The following SH3RF3 variants were observed in gnomAD, a reference collection of about 807,000 sequenced individuals.
SH3RF3 encodes SH3 domain containing ring finger 3.
In SH3RF3, 29 loss-of-function variants were observed where a neutral mutation model predicts 66.3. The observed-to-expected ratio is 0.44, with a 90% CI of 0.33 to 0.60. The LOEUF is 0.60. Ranked by LOEUF, SH3RF3 falls within the 20% of genes least tolerant of loss-of-function variation. The pLI is 0.04. For missense variants in SH3RF3, 1,194 were observed against 1,190.9 expected (o/e 1.00, Z -0.04); for synonymous variants, 583 against 532.0 (o/e 1.10, Z -1.32).
intron 1 of SH3RF3, among the ~76,000 whole-genome samples, chr2:109,189,992 G>A (rs141183180): frequency 4.6e-5 from 7 of 152,334 alleles, no homozygotes; most frequent in East Asian, 1.9e-4. Flanking sequence ...AGATCTGCTC[G>A]TGGTTTATCA....
At chr2:109,187,783 G>C (rs1015248063) in intron 1 of SH3RF3, among the ~76,000 whole-genome samples, 2 of 152,196 alleles carry the variant, frequency 1.3e-5, no homozygotes, top group African/African-American at 4.8e-5. Context: ...ACACAGGTGG[G>C]CTTGCTTCCG....
In SH3RF3 at chr2:109,323,084, G is replaced by A. The variant is rs536061159; in HGVS notation, c.574-24590G>A. On this transcript the variant is annotated intron_variant, in intron 1 of 9. Transcript: ENST00000309415. ...ACAGGAGGGAGCTTGCAGACTTTGT[G>A]GGGCTTCTGCTTTTGCCACTGTGCC... is the stretch of plus-strand genomic sequence containing the variant. Among the ~76,000 whole-genome samples, 4 of 152,320 alleles carry A rather than the reference G, an allele frequency of 2.6e-5. 1 individual carries two copies. The South Asian group carries it at 8.3e-4, about 32-fold the overall frequency.
In SH3RF3 at chr2:109,388,738, C is replaced by T. The variant is rs577053182; in HGVS notation, c.946-9852C>T. 3.3e-5 allele frequency among the ~76,000 whole-genome samples: 5 copies of T among 152,318 alleles called. No individual in the cohort carries two copies. In the East Asian group the frequency reaches 9.6e-4, roughly 29 times the overall value. On this transcript the variant is annotated intron_variant, in intron 3 of 9. Transcript: ENST00000309415. Reference sequence around the variant, plus strand: ...GACCCCTGCAAGAGGATGAAGTAGGCTCTAATCCTCAGACCTCCAAGGATC... The same window carrying T: ...GACCCCTGCAAGAGGATGAAGTAGGTTCTAATCCTCAGACCTCCAAGGATC...
At chr2:109,450,850 G>T (rs893896802) in intron 8 of SH3RF3, among the ~76,000 whole-genome samples, 1 of 152,224 alleles carries the variant, frequency 6.6e-6, no homozygotes, top group Non-Finnish European at 1.5e-5. Context: ...TGGCTTGACT[G>T]ATTCTGCAGA....
intron 1 of SH3RF3, among the ~76,000 whole-genome samples, chr2:109,147,545 A>G (rs1038471177): frequency 4.6e-5 from 7 of 152,228 alleles, no homozygotes; most frequent in African/African-American, 1.4e-4. Flanking sequence ...AATGCTAAAC[A>G]TAGTACCGTA....
intron 1 of SH3RF3, among the ~76,000 whole-genome samples, chr2:109,264,873 A>C (rs989991068): frequency 2.0e-5 from 3 of 152,212 alleles, no homozygotes; most frequent in African/African-American, 7.2e-5. Flanking sequence ...AGACATCTTA[A>C]ACATCCTTAT....
intron 1 of SH3RF3, among the ~76,000 whole-genome samples, chr2:109,227,863 T>G (rs140519172): frequency 6.6e-6 from 1 of 152,338 alleles, no homozygotes; most frequent in African/African-American, 2.4e-5. Context: ...TCGCTCCGCC[T>G]TTCATCGGTT....
At chr2:109,150,194 A>G (rs977266622) in intron 1 of SH3RF3, among the ~76,000 whole-genome samples, 1 of 152,156 alleles carries the variant, frequency 6.6e-6, no homozygotes, top group African/African-American at 2.4e-5. Flanking sequence ...CACCTGGAAG[A>G]TGAGTTGGAC....
intron 5 of SH3RF3, among the ~76,000 whole-genome samples, chr2:109,425,240 G>A (rs1216053616): frequency 1.3e-4 from 20 of 152,196 alleles, no homozygotes; most frequent in Admixed American, 9.8e-4. Flanking sequence ...AGGTTGGTTC[G>A]TGAGGTTTAA....
intron 1 of SH3RF3, among the ~76,000 whole-genome samples, chr2:109,177,942 C>T (rs1016000467): frequency 7.2e-5 from 11 of 152,192 alleles, no homozygotes; most frequent in Non-Finnish European, 1.2e-4. Context: ...GCAGGAGTCT[C>T]ATTTGATTTG....
intron 1 of SH3RF3, among the ~76,000 whole-genome samples, chr2:109,283,524 A>T (rs1329147179): frequency 6.6e-6 from 1 of 151,830 alleles, no homozygotes; most frequent in Non-Finnish European, 1.5e-5. Context: ...AGAGTAGGGG[A>T]GGGATGGGCC....
chr2:109,309,235 T>C (rs557216449), intron 1 of SH3RF3, among the ~76,000 whole-genome samples: 394 of 144,000 alleles, frequency 2.7e-3, no homozygotes, highest in African/African-American at 0.01. Context: ...TGTCTGTTGT[T>C]GGTGTATAAG....
chr2:109,405,941 T>G (rs1676441889), intron 4 of SH3RF3, among the ~76,000 whole-genome samples: 1 of 152,220 alleles, frequency 6.6e-6, no homozygotes, highest in South Asian at 2.1e-4. Context: ...TGGATGGTCT[T>G]GTACATAAAG....
intron 1 of SH3RF3, among the ~76,000 whole-genome samples, chr2:109,252,012 G>A (rs962220900): frequency 6.6e-6 from 1 of 152,134 alleles, no homozygotes; most frequent in Non-Finnish European, 1.5e-5. Flanking sequence ...GGAGGCCAAG[G>A]TAGGAGGATG....
At chr2:109,426,511 G>T (rs920309821) in intron 5 of SH3RF3, among the ~76,000 whole-genome samples, 8 of 152,188 alleles carry the variant, frequency 5.3e-5, no homozygotes, top group African/African-American at 1.9e-4. Flanking sequence ...TAACTGAATT[G>T]CTGCAATCTT....
At chr2:109,266,520 G>A (rs765456691) in intron 1 of SH3RF3, among the ~76,000 whole-genome samples, 3 of 152,074 alleles carry the variant, frequency 2.0e-5, no homozygotes, top group Non-Finnish European at 4.4e-5. Flanking sequence ...AACTCTCATT[G>A]TTCTCCTCAA....
At chr2:109,354,567 A>G (rs1682907338) in intron 2 of SH3RF3, among the ~76,000 whole-genome samples, 1 of 152,228 alleles carries the variant, frequency 6.6e-6, no homozygotes, top group Non-Finnish European at 1.5e-5. Flanking sequence ...GAGCTCTCCA[A>G]GGTTTTCAGT....
rs538854924 is a variant in SH3RF3 at position 109,338,432 on chromosome 2, CT to C, written c.574-9229del. 3.9e-3 allele frequency among the ~76,000 whole-genome samples: 559 copies of C among 145,150 alleles called. 2 individuals carry two copies. Among genetic ancestry groups the C allele is most frequent in the East Asian group, 0.021 (107 of 4,998 alleles). On this transcript the variant is annotated intron_variant, in intron 1 of 9. Transcript: ENST00000309415. ...CATTTGAGCCAGATTCTTAGGGAAA[CT>C]TTTTTTTTTTTTACATGCTCACAGA...
intron 8 of SH3RF3, among the ~76,000 whole-genome samples, chr2:109,449,837 C>G (rs996512455): frequency 9.8e-5 from 15 of 152,316 alleles, no homozygotes; most frequent in African/African-American, 3.6e-4. Context: ...TTGCCATGTG[C>G]TGGGATATTG....
Sources: allele counts gnomAD v4.1 joint callset (sites outside exome capture counted in the v4.1 genomes callset), GRCh38; gene constraint gnomAD v4.1.1; transcripts MANE v1.5; gene names NCBI Gene and HGNC (gene_info 2026-07-23, HGNC 2026-07-21).